Variants in PRKAR1A observed in about 807,000 individuals in gnomAD.
The protein encoded by PRKAR1A is protein kinase cAMP-dependent type I regulatory subunit alpha, also known as cAMP-dependent protein kinase type I-alpha regulatory subunit.
In PRKAR1A, 3 loss-of-function variants were observed where a neutral mutation model predicts 52.0. That is an observed-to-expected ratio of 0.06 (90% CI 0.03 to 0.15). PRKAR1A has a LOEUF of 0.15. PRKAR1A is among the 10% of genes least tolerant of loss of function. The pLI is 1.00. For synonymous variants in PRKAR1A, 188 were observed against 168.4 expected (o/e 1.12, Z -0.90); for missense variants, 240 against 477.4 (o/e 0.50, Z 4.63).
At chr17:68,527,043 G>A (rs1371007118) in intron 7 of PRKAR1A, among the ~76,000 whole-genome samples, 1 of 152,136 alleles carries the variant, frequency 6.6e-6, no homozygotes, top group Non-Finnish European at 1.5e-5. Flanking sequence ...TTCCTCTACA[G>A]GAATACTATT....
intron 7 of PRKAR1A, among the ~76,000 whole-genome samples, chr17:68,527,185 C>T (rs561416406): frequency 2.0e-5 from 3 of 152,266 alleles, no homozygotes; most frequent in Non-Finnish European, 2.9e-5. Flanking sequence ...ATTAGGGCCT[C>T]ACAATGCTTT....
intron 11 of PRKAR1A, among the ~76,000 whole-genome samples, chr17:68,542,501 C>G (rs2086347449): frequency 6.6e-6 from 1 of 152,150 alleles, no homozygotes; most frequent in Non-Finnish European, 1.5e-5. Context: ...ATCTCAAACA[C>G]AACCTTTCCC....
the PRKAR1A span, chr17:68,436,267 A>G: frequency 1.1e-6 from 1 of 887,774 alleles, no homozygotes; most frequent in Non-Finnish European, 1.9e-6. Flanking sequence ...ACTCCCCAGT[A>G]TTGCTTACTC....
chr17:68,480,714 A>G, the PRKAR1A span, among the ~76,000 whole-genome samples: 1 of 151,966 alleles, frequency 6.6e-6, no homozygotes, highest in Non-Finnish European at 1.5e-5. Context: ...GGCTTGGCTG[A>G]TTTTTGTAAT....
the PRKAR1A span, among the ~76,000 whole-genome samples, chr17:68,415,480 A>G: frequency 6.6e-6 from 1 of 152,210 alleles, no homozygotes; most frequent in African/African-American, 2.4e-5. Flanking sequence ...ACTACTGAAT[A>G]GAATGTGTAT....
chr17:68,459,321 A>G, the PRKAR1A span, among the ~76,000 whole-genome samples: 1 of 152,230 alleles, frequency 6.6e-6, no homozygotes, highest in African/African-American at 2.4e-5. Context: ...GCTAGGTGCT[A>G]CGTTGTTTGG....
chr17:68,496,381 T>G, the PRKAR1A span, among the ~76,000 whole-genome samples: 1 of 151,992 alleles, frequency 6.6e-6, no homozygotes, highest in Non-Finnish European at 1.5e-5. Context: ...CAGATGAGTC[T>G]TCCTAATGCT....
downstream of PRKAR1A, among the ~76,000 whole-genome samples, chr17:68,533,719 C>T (rs748519430): frequency 2.6e-4 from 40 of 152,102 alleles, no homozygotes; most frequent in Non-Finnish European, 5.1e-4. Flanking sequence ...ACGTTTTTAT[C>T]TGTCTATTTG....
At chr17:68,508,142 T>C (rs958946972), upstream of PRKAR1A, among the ~76,000 whole-genome samples, 1 of 152,168 alleles carries the variant, frequency 6.6e-6, no homozygotes, top group Non-Finnish European at 1.5e-5. Context: ...CAACTCTTCC[T>C]TGGGTCTAGG....
At chr17:68,498,925 G>A in the PRKAR1A span, among the ~76,000 whole-genome samples, 1 of 152,198 alleles carries the variant, frequency 6.6e-6, no homozygotes, top group Non-Finnish European at 1.5e-5. Context: ...GCTTTGCTTA[G>A]GGTCCTCGTT....
downstream of PRKAR1A, chr17:68,535,509 CTG>C (rs1429233121): frequency 1.5e-5 from 7 of 453,948 alleles, no homozygotes; most frequent in Non-Finnish European, 2.6e-5. Flanking sequence ...TTTCCCATTT[CTG>C]TGTGTGATCT....
the PRKAR1A span, among the ~76,000 whole-genome samples, chr17:68,424,912 G>A: frequency 6.5e-3 from 985 of 152,264 alleles, 12 homozygotes; most frequent in African/African-American, 0.023. Flanking sequence ...CTTCCATCTC[G>A]AAATGATTTC....
upstream of PRKAR1A, chr17:68,511,738 G>C (rs984786106): frequency 6.6e-6 from 1 of 152,132 alleles, no homozygotes; most frequent in Non-Finnish European, 1.5e-5. Context: ...CTGAGCCCGG[G>C]GCCCGGGCGG....
At chr17:68,522,956 TGC>T in intron 3 of PRKAR1A, 30 bp downstream of exon 3, 1 of 1,611,160 alleles carries the variant, frequency 6.2e-7, no homozygotes, top group Non-Finnish European at 8.5e-7. Flanking sequence ...ATCGGGGGGA[TGC>T]TTTTGGGACC....
the PRKAR1A span, among the ~76,000 whole-genome samples, chr17:68,443,828 G>A: frequency 2.0e-5 from 3 of 152,328 alleles, no homozygotes; most frequent in Non-Finnish European, 4.4e-5. Flanking sequence ...AGTTGTTCCA[G>A]TGTGCTGACT....
the PRKAR1A span, among the ~76,000 whole-genome samples, chr17:68,446,644 G>A: frequency 3.3e-5 from 5 of 152,134 alleles, no homozygotes; most frequent in African/African-American, 1.2e-4. Flanking sequence ...CACATGCCGT[G>A]GTTAGAACTA....
the PRKAR1A span, chr17:68,421,320 C>T: frequency 6.3e-6 from 1 of 159,246 alleles, no homozygotes; most frequent in Non-Finnish European, 1.4e-5. Flanking sequence ...CAAAATGGGA[C>T]TCCCAAGTAA....
At position 68,527,915 on chromosome 17, in the gene PRKAR1A, G is replaced by GTGTT; in HGVS notation, c.769+16_769+19dup. On this transcript the variant is annotated intron_variant, in intron 8 of 10. Coordinates refer to ENST00000589228, the MANE Select transcript of PRKAR1A (RefSeq NM_002734.5). ...CTCTATTTTAGGTGAGTTGTAAAGTGTGTTAACTTTGCTAGTATGTGAGAT... is the reference window on the plus strand; with the variant it reads ...CTCTATTTTAGGTGAGTTGTAAAGTGTGTTTGTTAACTTTGCTAGTATGTGAGAT... 6.3e-7 allele frequency: 1 copy of GTGTT among 1,598,172 alleles called. No individual in the cohort carries two copies. The highest frequency in any genetic ancestry group is 1.1e-5 in the South Asian group (1 of 90,718).
chr17:68,482,300 T>G, the PRKAR1A span, among the ~76,000 whole-genome samples: 1 of 152,330 alleles, frequency 6.6e-6, no homozygotes, highest in East Asian at 1.9e-4. Flanking sequence ...TCATTTTAGC[T>G]TCACAAAAAC....
Sources: allele counts gnomAD v4.1 joint callset (sites outside exome capture counted in the v4.1 genomes callset), GRCh38; gene constraint gnomAD v4.1.1; transcripts MANE v1.5; gene names NCBI Gene and HGNC (gene_info 2026-07-23, HGNC 2026-07-21).